Variants in DOK6 observed in about 807,000 individuals in gnomAD.
DOK6 encodes the protein downstream of tyrosine kinase 6.
In DOK6, 22 loss-of-function variants were observed where a neutral mutation model predicts 44.0. The ratio of observed to expected loss-of-function variants is 0.50; its 90% CI spans 0.36 to 0.71. The LOEUF (loss-of-function observed/expected upper bound fraction) is 0.71. Ranked by LOEUF, DOK6 falls within the 30% of genes least tolerant of loss-of-function variation. DOK6 has a pLI of 0.00. For synonymous variants in DOK6, 166 were observed against 145.5 expected (o/e 1.14, Z -1.01); for missense variants, 340 against 416.4 (o/e 0.82, Z 1.60).
In DOK6 at chr18:69,849,053, A is replaced by G. The variant is rs917872785; in HGVS notation, c.*7670A>G. ...TTCACTTATTAGCTTGCTATTTTGAAAATAAAGTGAAAGAAGGCCCTTTAT... is the reference window on the plus strand; with the variant it reads ...TTCACTTATTAGCTTGCTATTTTGAGAATAAAGTGAAAGAAGGCCCTTTAT... On this transcript the variant is annotated 3_prime_UTR_variant, in exon 8 of 8. Transcript: ENST00000382713. 9.2e-5 allele frequency: 14 copies of G among 152,224 alleles called. No individual in the cohort carries two copies. Among genetic ancestry groups the G allele is most frequent in the African/African-American group, 3.4e-4 (14 of 41,458 alleles). The allele number at this position is 152,224 out of a possible 1,614,324, so 9.4% of individuals were successfully genotyped here. A position where few individuals can be genotyped will look rare whatever the true frequency, so the allele number is the denominator to read the frequency against.
At chr18:69,481,604 T>G (rs1307040754) in intron 1 of DOK6, among the ~76,000 whole-genome samples, 1 of 152,240 alleles carries the variant, frequency 6.6e-6, no homozygotes, top group Non-Finnish European at 1.5e-5. Context: ...TGCCACATTT[T>G]CTTAATCCAG....
At chr18:69,448,947 C>T (rs72957416) in intron 1 of DOK6, among the ~76,000 whole-genome samples, 34,482 of 152,026 alleles carry the variant, frequency 0.23, 4,221 homozygotes, top group Middle Eastern at 0.39. Context: ...TATAGAGAGT[C>T]GCCAAATAAT....
chr18:69,822,012 G>A (rs150470213), intron 7 of DOK6, among the ~76,000 whole-genome samples: 66 of 152,160 alleles, frequency 4.3e-4, no homozygotes, highest in African/African-American at 1.6e-3. Context: ...AAAAAACATT[G>A]TCTGTATTCA....
intron 4 of DOK6, among the ~76,000 whole-genome samples, chr18:69,688,194 C>T (rs188660047): frequency 6.7e-4 from 102 of 152,236 alleles, no homozygotes; most frequent in African/African-American, 2.3e-3. Flanking sequence ...TTTAAAAGAT[C>T]TAGGTAAATG....
chr18:69,739,913 ATATTAC>A (rs1382899389), intron 6 of DOK6, among the ~76,000 whole-genome samples: 6 of 152,308 alleles, frequency 3.9e-5, no homozygotes, highest in Middle Eastern at 3.4e-3. Flanking sequence ...AGAAAGTTTC[ATATTAC>A]TATTATTTTA....
chr18:69,803,547 T>A (rs1160490552), intron 7 of DOK6, among the ~76,000 whole-genome samples: 1 of 152,168 alleles, frequency 6.6e-6, no homozygotes, highest in Non-Finnish European at 1.5e-5. Context: ...AAAGGGAAGA[T>A]TTAGTGAGTA....
At chr18:69,468,464 A>G (rs755469009) in intron 1 of DOK6, among the ~76,000 whole-genome samples, 1 of 152,180 alleles carries the variant, frequency 6.6e-6, no homozygotes, top group African/African-American at 2.4e-5. Context: ...AATAACACAC[A>G]CTATAAATTC....
chr18:69,620,757 T>C lies in DOK6; in HGVS notation c.289+21259T>C, dbSNP rs146351994. On this transcript the variant is annotated intron_variant, in intron 3 of 7. Transcript: ENST00000382713. The stretch of plus-strand genomic sequence containing the variant: ...TAACGTACTTGTAAATTCAAATTTC[T>C]GAAACTCGTAGGTTTTTCACAATCC... Among the ~76,000 whole-genome samples the C allele has an allele frequency of 2.5e-3, 383 of 152,364 alleles. 1 individual carries two copies. Among genetic ancestry groups the C allele is most frequent in the African/African-American group, 8.3e-3 (345 of 41,598 alleles).
intron 5 of DOK6, among the ~76,000 whole-genome samples, chr18:69,703,311 C>A (rs189650182): frequency 6.6e-6 from 1 of 152,212 alleles, no homozygotes; most frequent in African/African-American, 2.4e-5. Context: ...TTTGTGGCAC[C>A]AGAAACCTCA....
intron 6 of DOK6, among the ~76,000 whole-genome samples, chr18:69,749,666 T>G (rs1249881177): frequency 2.0e-5 from 3 of 151,998 alleles, no homozygotes; most frequent in Non-Finnish European, 4.4e-5. Context: ...GTTGGCCGGG[T>G]GCAGTGGCTC....
At chr18:69,829,485 C>G (rs542047035) in intron 7 of DOK6, among the ~76,000 whole-genome samples, 1 of 151,974 alleles carries the variant, frequency 6.6e-6, no homozygotes, top group African/African-American at 2.4e-5. Flanking sequence ...TGGATGTCAC[C>G]CAGCTGGTAA....
intron 2 of DOK6, among the ~76,000 whole-genome samples, chr18:69,569,522 T>G (rs2144601918): frequency 6.6e-6 from 1 of 152,296 alleles, no homozygotes; most frequent in Middle Eastern, 3.4e-3. Context: ...TAAAAAATAC[T>G]ATGAAAATGG....
rs929478146 is a variant in DOK6 at position 69,845,775 on chromosome 18, T to C, written c.*4392T>C. ...TTTACAGAGGACATCTGTTGCTTTA[T>C]GTCTTAAGGCCACTAGAGGAAGTCA... is the stretch of plus-strand genomic sequence containing the variant. On this transcript the variant is annotated 3_prime_UTR_variant, in exon 8 of 8. Transcript: ENST00000382713. 1.3e-5 allele frequency: 2 copies of C among 152,230 alleles called. No individual in the cohort carries two copies. The highest frequency in any genetic ancestry group is 4.8e-5 in the African/African-American group (2 of 41,464). The allele number at this position is 152,230 out of a possible 1,614,324, so 9.4% of individuals were successfully genotyped here.
rs186043843 is a variant in DOK6 at position 69,644,721 on chromosome 18, G to A, written c.290-33013G>A. 1.1e-4 allele frequency among the ~76,000 whole-genome samples: 17 copies of A among 152,270 alleles called. No homozygotes were observed. The East Asian group carries it at 3.1e-3, about 28-fold the overall frequency. ...CACTTTATTACTCTTTGTCAAGAGT[G>A]TTTTAGCTATTCAAGACCTGCTGAT... On this transcript the variant is annotated intron_variant, in intron 3 of 7. Coordinates refer to ENST00000382713, the MANE Select transcript of DOK6 (RefSeq NM_152721.6).
intron 7 of DOK6, among the ~76,000 whole-genome samples, chr18:69,769,601 AAAC>A (rs542448023): frequency 6.3e-4 from 96 of 152,268 alleles, no homozygotes; most frequent in African/African-American, 1.7e-3. Context: ...TTTTGTGCAA[AAAC>A]AACAACATAA....
chr18:69,741,671 A>AT (rs1421146236), intron 6 of DOK6, among the ~76,000 whole-genome samples: 5 of 151,890 alleles, frequency 3.3e-5, no homozygotes, highest in Admixed American at 6.6e-5. Flanking sequence ...CAATTTTTGT[A>AT]TTTTTTATAG....
At chr18:69,569,101 G>C (rs772127011) in intron 2 of DOK6, among the ~76,000 whole-genome samples, 2 of 151,928 alleles carry the variant, frequency 1.3e-5, no homozygotes, top group African/African-American at 4.8e-5. Context: ...ACCTGTCCCT[G>C]GTGCCAAACA....
intron 7 of DOK6, among the ~76,000 whole-genome samples, chr18:69,784,571 A>C (rs1030866758): frequency 3.9e-5 from 6 of 152,036 alleles, no homozygotes; most frequent in Non-Finnish European, 7.4e-5. Flanking sequence ...TAAAAATTGC[A>C]TAAGATTAAG....
At chr18:69,782,207 A>C (rs1019450783) in intron 7 of DOK6, among the ~76,000 whole-genome samples, 6 of 131,584 alleles carry the variant, frequency 4.6e-5, no homozygotes, top group Admixed American at 9.5e-5. Context: ...TATGTGTTCT[A>C]AGATTTTTTT....
Sources: gnomAD v4.1 joint callset for allele counts (sites outside exome capture counted in the v4.1 genomes callset) on GRCh38, gnomAD v4.1.1 for gene constraint, MANE v1.5 for transcripts, NCBI Gene and HGNC (gene_info 2026-07-23, HGNC 2026-07-21) for gene names.